Variants in KRCC1 observed in about 807,000 individuals in gnomAD.
The protein encoded by KRCC1 is lysine-rich coiled-coil protein 1.
Under a neutral mutation model 7.4 loss-of-function variants are expected in KRCC1, and 3 were observed. The observed-to-expected ratio is 0.40, with a 90% confidence interval of 0.18 to 1.04. KRCC1 has a LOEUF of 1.04. Ranked by LOEUF, KRCC1 falls within the 50% of genes least tolerant of loss-of-function variation. The pLI is 0.33. For missense variants in KRCC1, 277 were observed against 300.9 expected, an observed-to-expected ratio of 0.92 and a Z score of 0.59; for synonymous variants, 102 against 101.6, an observed-to-expected ratio of 1.00 and a Z score of -0.02.
intron 1 of KRCC1, among the ~76,000 whole-genome samples, chr2:88,053,559 C>G (rs1212016402): frequency 6.6e-6 from 1 of 152,170 alleles, no homozygotes; most frequent in Non-Finnish European, 1.5e-5. Flanking sequence ...ATAATCCAGG[C>G]TGACTGAAGA....
At position 88,033,366 on chromosome 2, in the gene KRCC1, A is replaced by C. The variant is rs570483689; in HGVS notation, c.-23+768T>G. Among the ~76,000 whole-genome samples, 11 of 152,172 alleles carry C rather than the reference A, an allele frequency of 7.2e-5. No individual in the cohort carries two copies. In the South Asian group the frequency reaches 2.1e-3, roughly 29 times the overall value. ...TGGTGAAACCTCCGTCTCTACTAAA[A>C]ATACAAAAAATTAGCCGGGTGTGGT... On this transcript the variant is annotated intron_variant, in intron 3 of 3. Transcript: ENST00000347055.
At chr2:88,045,944 T>C (rs1673321332) in intron 1 of KRCC1, among the ~76,000 whole-genome samples, 3 of 152,182 alleles carry the variant, frequency 2.0e-5, no homozygotes, top group African/African-American at 7.2e-5. Context: ...CCTCCCAAAG[T>C]GCCAGGATTA....
chr2:88,042,099 C>T (rs1332166620), intron 1 of KRCC1, among the ~76,000 whole-genome samples: 1 of 150,384 alleles, frequency 6.6e-6, no homozygotes. Flanking sequence ...CTCCCTCTGT[C>T]CCCCAGACTG....
At chr2:88,037,505 A>T (rs1673115490) in intron 1 of KRCC1, among the ~76,000 whole-genome samples, 1 of 152,182 alleles carries the variant, frequency 6.6e-6, no homozygotes, top group Non-Finnish European at 1.5e-5. Flanking sequence ...CACCCAGGCC[A>T]GAGCGTGATT....
rs60827041 is a variant in KRCC1, at chr2:88,050,924, CTTTTT to C, written c.-291+4697_-291+4701del. Among the ~76,000 whole-genome samples, 240 of 125,328 alleles carry C rather than the reference CTTTTT, an allele frequency of 1.9e-3. 1 individual carries two copies. Among genetic ancestry groups the C allele is most frequent in the East Asian group, 3.0e-3 (14 of 4,646 alleles). 82.2% of individuals were successfully genotyped at this position (125,328 alleles called of 152,430 possible). On this transcript the variant is annotated intron_variant, in intron 1 of 3. Transcript: ENST00000347055. ...ATGCCTTCTATATCTTCCTTACTTG[CTTTTT>C]TTTTTTTTTTTTGAGACAGGGTCTT...
At chr2:88,041,504 G>A (rs1236786737) in intron 1 of KRCC1, among the ~76,000 whole-genome samples, 1 of 152,140 alleles carries the variant, frequency 6.6e-6, no homozygotes, top group African/African-American at 2.4e-5. Flanking sequence ...ATACCTCTAT[G>A]TCAAGTTGGG....
At chr2:88,038,387 C>A (rs1376881924) in intron 1 of KRCC1, among the ~76,000 whole-genome samples, 1 of 152,190 alleles carries the variant, frequency 6.6e-6, no homozygotes, top group African/African-American at 2.4e-5. Context: ...AGTAAATAAA[C>A]CCAGAATCTA....
intron 1 of KRCC1, among the ~76,000 whole-genome samples, chr2:88,041,179 T>C (rs1364307866): frequency 6.6e-6 from 1 of 152,028 alleles, no homozygotes; most frequent in East Asian, 1.9e-4. Context: ...GGGAAGAATA[T>C]GAGAGATATT....
At chr2:88,040,825 G>C (rs1673195811) in intron 1 of KRCC1, among the ~76,000 whole-genome samples, 1 of 152,194 alleles carries the variant, frequency 6.6e-6, no homozygotes, top group South Asian at 2.1e-4. Context: ...TGTTCTTGGT[G>C]AGGGGTTTGT....
chr2:88,035,831 A>T (rs1205938512), intron 2 of KRCC1, among the ~76,000 whole-genome samples: 1 of 152,168 alleles, frequency 6.6e-6, no homozygotes, highest in South Asian at 2.1e-4. Flanking sequence ...TATTTCTTAG[A>T]CCTCTGGGCT....
At position 88,031,771 on chromosome 2, in the gene KRCC1, A is replaced by C. The variant is rs571716650; in HGVS notation, c.-23+2363T>G. ...TACAAAATAGTCAAAAAGTTAAAAAAATTTAAAAGTTTATAAAGTGAAAAA... is the reference window on the plus strand; with the variant it reads ...TACAAAATAGTCAAAAAGTTAAAAACATTTAAAAGTTTATAAAGTGAAAAA... On this transcript the variant is annotated intron_variant, in intron 3 of 3. Coordinates refer to ENST00000347055, the MANE Select transcript of KRCC1 (RefSeq NM_016618.3). Among the ~76,000 whole-genome samples the C allele has an allele frequency of 2.7e-3, 415 of 152,288 alleles. 4 individuals are homozygous for C. Among genetic ancestry groups the C allele is most frequent in the African/African-American group, 9.8e-3 (408 of 41,580 alleles).
At chr2:88,049,732 A>G (rs1217699425) in intron 1 of KRCC1, among the ~76,000 whole-genome samples, 1 of 152,264 alleles carries the variant, frequency 6.6e-6, no homozygotes, top group East Asian at 1.9e-4. Context: ...GGCAATTCTT[A>G]GTCATTTTAA....
At chr2:88,049,946 C>T (rs1410516512) in intron 1 of KRCC1, among the ~76,000 whole-genome samples, 1 of 152,224 alleles carries the variant, frequency 6.6e-6, no homozygotes, top group African/African-American at 2.4e-5. Flanking sequence ...AAACAATGAA[C>T]TACTCCTGAT....
intron 1 of KRCC1, among the ~76,000 whole-genome samples, chr2:88,053,131 TTCCTAGATG>T (rs1167265825): frequency 1.3e-5 from 2 of 151,994 alleles, no homozygotes; most frequent in East Asian, 3.9e-4. Context: ...GGTACGATCA[TTCCTAGATG>T]AGAGTCACTG....
In KRCC1 at chr2:88,052,229, T is replaced by TA. The variant is rs200403309; in HGVS notation, c.-291+3396dup. 4.6e-5 allele frequency among the ~76,000 whole-genome samples: 7 copies of TA among 152,322 alleles called. No homozygotes were observed. In the East Asian group the frequency reaches 1.2e-3, roughly 25 times the overall value. On this transcript the variant is annotated intron_variant, in intron 1 of 3. Transcript: ENST00000347055. Reference sequence around the variant, plus strand: ...TATCTTAAACTGTCAGACTTTTTTTTAAAAAAATAATTCACCATGCTATGT... The same window carrying TA: ...TATCTTAAACTGTCAGACTTTTTTTTAAAAAAAATAATTCACCATGCTATGT...
At chr2:88,040,563 A>G (rs1214540432) in intron 1 of KRCC1, among the ~76,000 whole-genome samples, 1 of 152,194 alleles carries the variant, frequency 6.6e-6, no homozygotes, top group Non-Finnish European at 1.5e-5. Flanking sequence ...TCTCATAAAG[A>G]TTAGGATATT....
intron 1 of KRCC1, among the ~76,000 whole-genome samples, chr2:88,045,969 C>A (rs145221762): frequency 6.6e-6 from 1 of 152,250 alleles, no homozygotes; most frequent in East Asian, 1.9e-4. Flanking sequence ...CGTGAGCCAC[C>A]GTGCCCGGCC....
intron 1 of KRCC1, among the ~76,000 whole-genome samples, chr2:88,047,965 A>T (rs557087399): frequency 6.6e-6 from 1 of 152,200 alleles, no homozygotes; most frequent in Non-Finnish European, 1.5e-5. Flanking sequence ...AAATACACCA[A>T]ATTACTGACA....
intron 3 of KRCC1, among the ~76,000 whole-genome samples, chr2:88,033,764 A>C (rs1015813283): frequency 3.9e-5 from 6 of 152,228 alleles, no homozygotes; most frequent in African/African-American, 1.2e-4. Flanking sequence ...CGGGAATGTA[A>C]AATGGTGCAC....
Sources: gnomAD v4.1 joint callset for allele counts (sites outside exome capture counted in the v4.1 genomes callset) on GRCh38, gnomAD v4.1.1 for gene constraint, MANE v1.5 for transcripts, NCBI Gene and HGNC (gene_info 2026-07-23, HGNC 2026-07-21) for gene names.